The following ESPN variants were observed in gnomAD, a reference collection of about 807,000 sequenced individuals.
ESPN encodes the protein autosomal recessive deafness type 36 protein.
ESPN carries 68 observed loss-of-function variants against 77.7 expected under a neutral mutation model. The ratio of observed to expected loss-of-function variants is 0.87; its 90% CI spans 0.72 to 1.07. The LOEUF is 1.07. Among genes scored for constraint, ESPN ranks in the 50% least tolerant of loss-of-function variants. The pLI, the probability that ESPN is intolerant of heterozygous loss-of-function variation, is 0.00. For synonymous variants in ESPN, 449 were observed against 567.1 expected (o/e 0.79, Z 2.96); for missense variants, 1,060 against 1,239.0 (o/e 0.86, Z 2.17).
At chr1:6,457,399 C>G in intron 12 of ESPN, 27 bp downstream of exon 12, 1 of 1,614,140 alleles carries the variant, frequency 6.2e-7, no homozygotes, top group Non-Finnish European at 8.5e-7. Flanking sequence ...CCCCAACCTG[C>G]CACCCTTATC....
chr1:6,434,652 T>G (rs1398986202), intron 2 of ESPN, among the ~76,000 whole-genome samples: 4 of 152,132 alleles, frequency 2.6e-5, no homozygotes, highest in African/African-American at 9.7e-5. Flanking sequence ...TATTTATTCA[T>G]TCAACAAAAA....
rs1304626634 is a variant in ESPN at position 6,460,055 on chromosome 1, A to G, written c.2474A>G (p.Glu825Gly). 1.9e-6 allele frequency: 3 copies of G among 1,613,480 alleles called. No individual in the cohort carries two copies. The African/African-American group carries it at 4.0e-5, about 22-fold the overall frequency. Residue 825 changes from glutamate to glycine, a missense_variant, in exon 13 of 13, where the codon GAG becomes GGG. Around this residue, in one of 3 missense-constraint regions of ESPN, gnomAD observed 374 missense variants for 381.4 expected, o/e 0.98. Transcript: ENST00000645284. Reference protein sequence around the residue: ...EELRREKEQSEKLRTLGYDES... With the variant: ...EELRREKEQSGKLRTLGYDES... ...CTGCGGCGGGAGAAGGAACAGTCAG[A>G]GAAGCTGCGGACGCTGGGCTACGAT...
rs149516970 is a variant in ESPN at position 6,451,721 on chromosome 1, C to T, written c.2034C>T (p.Phe678=). 4.7e-5 allele frequency: 75 copies of T among 1,612,708 alleles called. No homozygotes were observed. Among genetic ancestry groups the T allele is most frequent in the Non-Finnish European group, 5.7e-5 (67 of 1,179,880 alleles). Residue 678 remains phenylalanine, a synonymous_variant, in exon 9 of 13, where the codon TTC becomes TTT. Transcript: ENST00000645284. The surrounding 1 kb of genome is among the most constrained non-coding windows in gnomAD (Gnocchi z 4.3). ...TPQSKGLTTV[F]SGIGQPAFQP... is the part of the protein sequence containing the mutation. ...AGAGCAAGGGGCTGACCACAGTGTT[C>T]TCAGGCATCGGGCAGCCGGCCTTCC...
rs998305040 is a variant in ESPN at position 6,453,936 on chromosome 1, C to A, written c.2325+1840C>A. 1.4e-4 allele frequency among the ~76,000 whole-genome samples: 21 copies of A among 152,194 alleles called. 1 individual carries two copies. The South Asian group carries it at 4.2e-3, about 30-fold the overall frequency. ...GCTGCAGCTGCAGCCTCTTTAAGAG[C>A]GGAGTGGCCTCTGATTCTGCACAGA... On this transcript the variant is annotated intron_variant, in intron 10 of 12. Transcript: ENST00000645284.
At chr1:6,425,337 T>TG in intron 1 of ESPN, 88 bp downstream of exon 1, 1 of 1,484,416 alleles carries the variant, frequency 6.7e-7, no homozygotes, top group Non-Finnish European at 9.0e-7. Context: ...CAAGGATGGG[T>TG]GGGGTTTGGC....
In ESPN at chr1:6,449,051, C is replaced by A. The variant is rs1237978447; in HGVS notation, c.1875C>A (p.Gly625=). The change falls in exon 8 of 13, where the codon GGC becomes GGA. Residue 625 remains glycine (G), a synonymous_variant. Coordinates refer to ENST00000645284, the MANE Select transcript of ESPN (RefSeq NM_031475.3). The stretch of plus-strand genomic sequence containing the variant: ...CGCCTCTGCCCCTCGAGAGCGCTGG[C>A]CCTGGCTGCGGGCAGCGCCGCTCCT... ...PAPPLPLESA[G]PGCGQRRSSS... 2.0e-6 allele frequency: 3 copies of A among 1,484,820 alleles called. No homozygotes were observed. The African/African-American group carries it at 4.4e-5, about 22-fold the overall frequency. 92.0% of individuals were successfully genotyped at this position (1,484,820 alleles called of 1,614,324 possible). A position where few individuals can be genotyped will look rare whatever the true frequency, so the allele number is the denominator to read the frequency against.
intron 2 of ESPN, among the ~76,000 whole-genome samples, chr1:6,433,150 C>G (rs946439973): frequency 1.5e-5 from 2 of 137,108 alleles, no homozygotes; most frequent in African/African-American, 5.9e-5. Context: ...AAAGAAAAGA[C>G]AGTGCAAGTC....
chr1:6,444,010 G>A (rs1643737760), intron 5 of ESPN, among the ~76,000 whole-genome samples: 1 of 152,296 alleles, frequency 6.6e-6, no homozygotes, highest in African/African-American at 2.4e-5. Flanking sequence ...CCCTTACCCC[G>A]AGGGCCCCAT....
intron 10 of ESPN, chr1:6,456,783 A>G: frequency 6.1e-6 from 2 of 326,860 alleles, no homozygotes; most frequent in Non-Finnish European, 1.1e-5. Flanking sequence ...GGTCCTTCAC[A>G]GGGGAGCCAG....
intron 6 of ESPN, 139 bp downstream of exon 6, chr1:6,444,821 G>A (rs979840494): frequency 1.0e-5 from 10 of 964,300 alleles, no homozygotes; most frequent in Middle Eastern, 2.8e-4. Flanking sequence ...ACATGGGGAG[G>A]CGACACCCCT....
At chr1:6,452,830 C>T (rs1643973046) in intron 10 of ESPN, among the ~76,000 whole-genome samples, 1 of 152,236 alleles carries the variant, frequency 6.6e-6, no homozygotes, top group South Asian at 2.1e-4. Context: ...GGCTGATCAG[C>T]ACCAGCTGGC....
intron 10 of ESPN, among the ~76,000 whole-genome samples, chr1:6,453,617 T>C (rs1485478676): frequency 6.6e-6 from 1 of 151,912 alleles, no homozygotes; most frequent in African/African-American, 2.4e-5. Context: ...GAGACCTCAG[T>C]GGGGGCCAGG....
At chr1:6,454,927 G>A (rs1644022451) in intron 10 of ESPN, 2 of 386,004 alleles carry the variant, frequency 5.2e-6, no homozygotes, top group East Asian at 7.4e-5. Flanking sequence ...GCTGTGGCGC[G>A]CGAGATCCTC....
rs557496078 is a variant in ESPN, at chr1:6,428,040, A to G, written c.295-186A>G. 1.2e-4 allele frequency among the ~76,000 whole-genome samples: 19 copies of G among 152,324 alleles called. No individual in the cohort carries two copies. Among genetic ancestry groups the G allele is most frequent in the African/African-American group, 4.3e-4 (18 of 41,580 alleles). On this transcript the variant is annotated intron_variant, in intron 1 of 12. Coordinates refer to ENST00000645284, the MANE Select transcript of ESPN (RefSeq NM_031475.3). This position sits in a 1 kb window ranked among gnomAD's most constrained non-coding sequence, Gnocchi z 5.4. ...GGCCAGTTAGTTGCCCAAGGACAGAAGCAGGACTCAAACCCAGGATCCGCT... is the reference window on the plus strand; with the variant it reads ...GGCCAGTTAGTTGCCCAAGGACAGAGGCAGGACTCAAACCCAGGATCCGCT...
At position 6,428,602 on chromosome 1, in the gene ESPN, A is replaced by G. The variant is rs1297353347; in HGVS notation, c.488+183A>G. On this transcript the variant is annotated intron_variant, in intron 2 of 12. Coordinates refer to ENST00000645284, the MANE Select transcript of ESPN (RefSeq NM_031475.3). The surrounding 1 kb of genome is among the most constrained non-coding windows in gnomAD (Gnocchi z 5.4). Reference sequence around the variant, plus strand: ...AACATGAAATTTTCCCCTCCTGGAAAACCCCTTCTGGGGCTGCCCCCAGAG... The same window carrying G: ...AACATGAAATTTTCCCCTCCTGGAAGACCCCTTCTGGGGCTGCCCCCAGAG... Among the ~76,000 whole-genome samples, 1 of 152,002 alleles carries G rather than the reference A, an allele frequency of 6.6e-6. No homozygotes were observed. Among genetic ancestry groups the G allele is most frequent in the East Asian group, 1.9e-4 (1 of 5,152 alleles).
intron 7 of ESPN, among the ~76,000 whole-genome samples, chr1:6,448,288 G>T (rs1643885301): frequency 6.6e-6 from 1 of 152,144 alleles, no homozygotes; most frequent in African/African-American, 2.4e-5. Context: ...GCGGCCGAGG[G>T]CCTAGTGAGG....
chr1:6,460,283 C>T lies in ESPN; in HGVS notation c.*137C>T. 8.9e-7 allele frequency: 1 copy of T among 1,126,094 alleles called. No homozygotes were observed. 69.8% of individuals were successfully genotyped at this position (1,126,094 alleles called of 1,614,324 possible). ...CGCTGGAAACCCTCCCTGACCCCCA[C>T]CCTGGCCCCCCGTATCCCCAGCCCT... On this transcript the variant is annotated 3_prime_UTR_variant, in exon 13 of 13. Coordinates refer to ENST00000645284, the MANE Select transcript of ESPN (RefSeq NM_031475.3).
At chr1:6,456,083 C>T (rs1197903267) in intron 10 of ESPN, 3 of 397,814 alleles carry the variant, frequency 7.5e-6, no homozygotes, top group Non-Finnish European at 1.3e-5. Context: ...CCGCCGAAGA[C>T]CCCTTGGAAC....
intron 2 of ESPN, among the ~76,000 whole-genome samples, chr1:6,432,480 TC>T: frequency 6.6e-6 from 1 of 152,048 alleles, no homozygotes; most frequent in Middle Eastern, 3.4e-3. Context: ...CCTGGTGGAG[TC>T]CGGAGCAGCC....
Sources: allele counts gnomAD v4.1 joint callset (sites outside exome capture counted in the v4.1 genomes callset), GRCh38; gene constraint gnomAD v4.1.1; regional missense constraint gnomAD v4.1.1; non-coding constraint Gnocchi (gnomAD v3.1); transcripts MANE v1.5; gene names NCBI Gene and HGNC (gene_info 2026-07-23, HGNC 2026-07-21).